NKAIN3: variants seen among roughly 807,000 people sequenced by gnomAD.
The protein encoded by NKAIN3 is sodium/potassium transporting ATPase interacting 3.
NKAIN3 carries 25 observed loss-of-function variants against 30.2 expected under a neutral mutation model. The ratio of observed to expected loss-of-function variants is 0.83; its 90% confidence interval spans 0.60 to 1.16. The LOEUF is 1.16. Among genes scored for constraint, NKAIN3 ranks in the 50% most tolerant of loss-of-function variants. The pLI is 0.00. For missense variants in NKAIN3, 225 were observed against 254.1 expected (o/e 0.89, Z 0.78); for synonymous variants, 91 against 89.6 (o/e 1.02, Z -0.09).
chr8:62,797,365 T>C (rs1817894424), intron 4 of NKAIN3, among the ~76,000 whole-genome samples: 1 of 152,154 alleles, frequency 6.6e-6, no homozygotes, highest in African/African-American at 2.4e-5. Context: ...TTTTGGAAAA[T>C]GTGTACACAT....
intron 1 of NKAIN3, among the ~76,000 whole-genome samples, chr8:62,376,487 A>C (rs1007595137): frequency 1.3e-5 from 2 of 152,172 alleles, no homozygotes; most frequent in Non-Finnish European, 2.9e-5. Context: ...CCACCTTTGA[A>C]AAACAGTTTT....
intron 1 of NKAIN3, among the ~76,000 whole-genome samples, chr8:62,264,478 G>A (rs983768305): frequency 1.3e-4 from 20 of 152,294 alleles, no homozygotes; most frequent in African/African-American, 4.8e-4. Context: ...TGGCTGACTA[G>A]AGAAACTTGG....
intron 1 of NKAIN3, among the ~76,000 whole-genome samples, chr8:62,329,885 T>A (rs1815281770): frequency 6.6e-6 from 1 of 152,008 alleles, no homozygotes; most frequent in South Asian, 2.1e-4. Context: ...CAAATAGTAG[T>A]ACTATTTTAA....
Position 62,274,802 on chromosome 8 carries a change from G to A in NKAIN3, c.54+25675G>A, listed in dbSNP as rs1410397048. 2.1e-5 allele frequency among the ~76,000 whole-genome samples: 3 copies of A among 145,744 alleles called. No individual in the cohort carries two copies. In the East Asian group the frequency reaches 6.2e-4, roughly 30 times the overall value. On this transcript the variant is annotated intron_variant, in intron 1 of 6. Coordinates refer to ENST00000623646, the MANE Select transcript of NKAIN3 (RefSeq NM_001304533.3). Reference sequence around the variant, plus strand: ...GATGTTCCCCTTCCTGTGTCCATGTGTTCTCATTGTTCAATTCCCACCTAT... The same window carrying A: ...GATGTTCCCCTTCCTGTGTCCATGTATTCTCATTGTTCAATTCCCACCTAT...
intron 1 of NKAIN3, among the ~76,000 whole-genome samples, chr8:62,331,625 G>C (rs927406905): frequency 3.2e-4 from 49 of 152,124 alleles, no homozygotes; most frequent in Non-Finnish European, 7.4e-5. Context: ...TTAAGAGTTA[G>C]AAAAGCTTGA....
intron 1 of NKAIN3, among the ~76,000 whole-genome samples, chr8:62,562,401 G>A (rs1282962416): frequency 1.3e-5 from 2 of 152,100 alleles, no homozygotes; most frequent in African/African-American, 2.4e-5. Context: ...AATGATAAAT[G>A]TGAAGAAGAA....
intron 4 of NKAIN3, among the ~76,000 whole-genome samples, chr8:62,819,396 C>T (rs565778234): frequency 5.3e-5 from 8 of 151,790 alleles, no homozygotes; most frequent in African/African-American, 1.9e-4. Context: ...CACTGTTCTC[C>T]CTGTGCTAAT....
intron 3 of NKAIN3, among the ~76,000 whole-genome samples, chr8:62,694,631 C>T (rs1450350159): frequency 6.6e-6 from 1 of 151,592 alleles, no homozygotes; most frequent in South Asian, 2.1e-4. Context: ...AATCTTCTGT[C>T]GTTGCTTCCC....
At chr8:62,253,324 C>G (rs955729600) in intron 1 of NKAIN3, among the ~76,000 whole-genome samples, 1 of 152,136 alleles carries the variant, frequency 6.6e-6, no homozygotes, top group African/African-American at 2.4e-5. Context: ...GCCTGTAATC[C>G]TAGCACTTTG....
chr8:62,502,186 A>C (rs546996760), intron 1 of NKAIN3, among the ~76,000 whole-genome samples: 3 of 152,148 alleles, frequency 2.0e-5, no homozygotes, highest in South Asian at 2.1e-4. Flanking sequence ...CTTGTACTCA[A>C]TCAAGCCCTC....
chr8:62,795,740 C>A, intron 4 of NKAIN3, among the ~76,000 whole-genome samples: 1 of 152,076 alleles, frequency 6.6e-6, no homozygotes, highest in East Asian at 1.9e-4. Flanking sequence ...TATTATTCAC[C>A]TTTCCCCATG....
At chr8:62,987,623 T>G (rs1824229983), downstream of NKAIN3, among the ~76,000 whole-genome samples, 1 of 152,066 alleles carries the variant, frequency 6.6e-6, no homozygotes, top group South Asian at 2.1e-4. Context: ...GAGCACAGCA[T>G]GTGACAGACC....
At chr8:62,809,737 A>G (rs1027922839) in intron 4 of NKAIN3, among the ~76,000 whole-genome samples, 3 of 152,208 alleles carry the variant, frequency 2.0e-5, no homozygotes, top group Non-Finnish European at 4.4e-5. Flanking sequence ...TCACAATCTT[A>G]GGAAACTGTT....
At chr8:62,705,333 G>T (rs1022632935) in intron 3 of NKAIN3, among the ~76,000 whole-genome samples, 5 of 152,112 alleles carry the variant, frequency 3.3e-5, no homozygotes, top group African/African-American at 1.2e-4. Context: ...ATGAGGAGAA[G>T]ACCAACTGAA....
At chr8:62,956,825 A>G (rs895594288) in intron 6 of NKAIN3, among the ~76,000 whole-genome samples, 3 of 152,210 alleles carry the variant, frequency 2.0e-5, no homozygotes, top group Non-Finnish European at 4.4e-5. Flanking sequence ...CTAGGAGGGG[A>G]GATCTACATA....
chr8:62,945,639 T>C (rs1823102968), intron 5 of NKAIN3, among the ~76,000 whole-genome samples: 1 of 152,156 alleles, frequency 6.6e-6, no homozygotes, highest in Admixed American at 6.5e-5. Context: ...TTGAGTCTCT[T>C]GAAATTGAAC....
intron 4 of NKAIN3, among the ~76,000 whole-genome samples, chr8:62,917,430 A>G (rs1204972533): frequency 6.6e-6 from 1 of 152,024 alleles, no homozygotes; most frequent in Non-Finnish European, 1.5e-5. Flanking sequence ...CTCACCCTAA[A>G]CTTTTCCCTA....
At chr8:62,361,481 T>C (rs1224120640) in intron 1 of NKAIN3, among the ~76,000 whole-genome samples, 2 of 152,224 alleles carry the variant, frequency 1.3e-5, no homozygotes, top group African/African-American at 4.8e-5. Flanking sequence ...AATGAATGAA[T>C]GAAGTTAAAA....
intron 1 of NKAIN3, among the ~76,000 whole-genome samples, chr8:62,267,185 T>C (rs771763111): frequency 6.6e-6 from 1 of 152,226 alleles, no homozygotes; most frequent in Non-Finnish European, 1.5e-5. Context: ...TTCTGAGTTA[T>C]AACAAAATAT....
Sources: gnomAD v4.1 joint callset for allele counts (sites outside exome capture counted in the v4.1 genomes callset) on GRCh38, gnomAD v4.1.1 for gene constraint, MANE v1.5 for transcripts, NCBI Gene and HGNC (gene_info 2026-07-23, HGNC 2026-07-21) for gene names.